ZNF385D: variants seen among roughly 807,000 people sequenced by gnomAD.
ZNF385D encodes the protein zinc finger protein 659.
In ZNF385D, 15 loss-of-function variants were observed where a neutral mutation model predicts 35.8. The observed-to-expected ratio is 0.42, with a 90% CI of 0.28 to 0.64. ZNF385D has a LOEUF of 0.64. ZNF385D is among the 30% of genes least tolerant of loss of function. The probability of loss-of-function intolerance (pLI) is 0.23; values close to 1 mark genes in which losing one functional copy is unlikely to be tolerated. For missense variants in ZNF385D, 474 were observed against 494.6 expected (o/e 0.96, Z 0.39); for synonymous variants, 212 against 186.8 (o/e 1.13, Z -1.10).
chr3:21,864,769 T>A, intron 3 of ZNF385D, among the ~76,000 whole-genome samples: 1 of 152,102 alleles, frequency 6.6e-6, no homozygotes, highest in Non-Finnish European at 1.5e-5. Flanking sequence ...TTAATTCTAT[T>A]CATTGTCTCT....
At chr3:21,857,814 T>C (rs12491043) in intron 3 of ZNF385D, among the ~76,000 whole-genome samples, 35,710 of 151,346 alleles carry the variant, frequency 0.24, 4,682 homozygotes, top group Middle Eastern at 0.29. Context: ...TTTCAAGGCA[T>C]AGAGCCAAGC....
chr3:22,154,406 A>T (rs971664419), intron 3 of ZNF385D, among the ~76,000 whole-genome samples: 2 of 152,164 alleles, frequency 1.3e-5, no homozygotes. Context: ...AGTAGGACCA[A>T]CATTTCTCAA....
intron 3 of ZNF385D, among the ~76,000 whole-genome samples, chr3:22,043,510 C>G (rs905153960): frequency 6.6e-6 from 1 of 151,412 alleles, no homozygotes; most frequent in African/African-American, 2.4e-5. Flanking sequence ...GTATATTGGT[C>G]AAAAACAGCA....
chr3:21,799,552 G>A (rs1481778345), intron 3 of ZNF385D, among the ~76,000 whole-genome samples: 6 of 151,844 alleles, frequency 4.0e-5, no homozygotes, highest in African/African-American at 1.2e-4. Flanking sequence ...TTCATATTGT[G>A]GCCATTTATA....
chr3:22,173,100 G>C (rs1430837205), intron 2 of ZNF385D, among the ~76,000 whole-genome samples: 1 of 152,070 alleles, frequency 6.6e-6, no homozygotes, highest in Non-Finnish European at 1.5e-5. Flanking sequence ...AGAAATAATA[G>C]ACAAACACAA....
chr3:22,218,935 T>C (rs1296096486), intron 2 of ZNF385D, among the ~76,000 whole-genome samples: 1 of 152,148 alleles, frequency 6.6e-6, no homozygotes, highest in Non-Finnish European at 1.5e-5. Context: ...CATGTTAGAC[T>C]GTAAGGATCT....
intron 2 of ZNF385D, among the ~76,000 whole-genome samples, chr3:22,251,821 GT>G (rs1700078578): frequency 6.6e-6 from 1 of 151,982 alleles, no homozygotes; most frequent in Non-Finnish European, 1.5e-5. Context: ...CTAATTTTAG[GT>G]TCACTTCAGT....
At chr3:22,131,215 A>G (rs567538982) in intron 3 of ZNF385D, among the ~76,000 whole-genome samples, 149 of 152,282 alleles carry the variant, frequency 9.8e-4, no homozygotes, top group Admixed American at 4.8e-3. Context: ...AGCAAATAAG[A>G]CAGAGACGAT....
At chr3:22,306,487 A>G (rs1703226614) in intron 2 of ZNF385D, among the ~76,000 whole-genome samples, 1 of 152,080 alleles carries the variant, frequency 6.6e-6, no homozygotes, top group Non-Finnish European at 1.5e-5. Context: ...TAGTTCTACA[A>G]TAATAGAGAA....
chr3:21,841,479 A>T (rs1695671623), intron 3 of ZNF385D, among the ~76,000 whole-genome samples: 2 of 151,986 alleles, frequency 1.3e-5, no homozygotes, highest in Non-Finnish European at 2.9e-5. Flanking sequence ...CTTCCCACGG[A>T]GCATTCTAGG....
intron 2 of ZNF385D, among the ~76,000 whole-genome samples, chr3:22,323,296 T>C (rs1228270617): frequency 6.6e-6 from 1 of 152,194 alleles, no homozygotes; most frequent in Non-Finnish European, 1.5e-5. Flanking sequence ...TGCTGGTATA[T>C]AGGGATATGC....
chr3:21,495,586 A>G (rs1210119360), intron 4 of ZNF385D, among the ~76,000 whole-genome samples: 1 of 152,146 alleles, frequency 6.6e-6, no homozygotes, highest in African/African-American at 2.4e-5. Flanking sequence ...AAAGGCCCAC[A>G]TTGAAAAGTA....
chr3:22,144,055 T>C (rs921718356), intron 3 of ZNF385D, among the ~76,000 whole-genome samples: 1 of 152,186 alleles, frequency 6.6e-6, no homozygotes, highest in African/African-American at 2.4e-5. Flanking sequence ...AGTGAAATGT[T>C]GCTGGGGATA....
intron 4 of ZNF385D, among the ~76,000 whole-genome samples, chr3:21,471,293 TCTCACACACACACA>T (rs1559323662): frequency 3.3e-5 from 1 of 29,960 alleles, no homozygotes; most frequent in African/African-American, 8.2e-5. Flanking sequence ...TCTCTCTCTC[TCTCACACACACACA>T]CACACACACA....
chr3:21,431,977 A>G (rs1575132899), intron 5 of ZNF385D, among the ~76,000 whole-genome samples: 1 of 152,196 alleles, frequency 6.6e-6, no homozygotes. Flanking sequence ...TGTCTAACAC[A>G]TAGTAGATAA....
At chr3:22,363,597 G>GT (rs1696516764) in intron 2 of ZNF385D, among the ~76,000 whole-genome samples, 1 of 152,022 alleles carries the variant, frequency 6.6e-6, no homozygotes, top group Non-Finnish European at 1.5e-5. Flanking sequence ...ACCAAGAATG[G>GT]TTTTTTATCT....
intron 6 of ZNF385D, 31 bp downstream of exon 6, chr3:21,425,461 G>T (rs965098157): frequency 2.6e-6 from 4 of 1,546,288 alleles, no homozygotes; most frequent in Non-Finnish European, 3.5e-6. Context: ...GTCCCTTGTT[G>T]GTTTTCATTC....
intron 2 of ZNF385D, among the ~76,000 whole-genome samples, chr3:22,354,993 T>C (rs1471790097): frequency 6.6e-6 from 1 of 152,194 alleles, no homozygotes; most frequent in Admixed American, 6.6e-5. Flanking sequence ...ACAACATTGT[T>C]TGTACCCTTT....
chr3:22,241,968 C>A (rs1339425903), intron 2 of ZNF385D, among the ~76,000 whole-genome samples: 1 of 150,118 alleles, frequency 6.7e-6, no homozygotes, highest in East Asian at 2.0e-4. Flanking sequence ...CACTCCCATT[C>A]GCAAGAACAA....
Sources: gnomAD v4.1 joint callset for allele counts (sites outside exome capture counted in the v4.1 genomes callset) on GRCh38, gnomAD v4.1.1 for gene constraint, MANE v1.5 for transcripts, NCBI Gene and HGNC (gene_info 2026-07-23, HGNC 2026-07-21) for gene names.